The following HK1 variants were observed in gnomAD, a reference collection of about 807,000 sequenced individuals.
HK1 encodes the protein hexokinase-1.
In HK1, 28 loss-of-function variants were observed where a neutral mutation model predicts 91.6. That is an observed-to-expected ratio of 0.31 (90% CI 0.23 to 0.42). HK1 has a LOEUF of 0.42. HK1 is among the 10% of genes least tolerant of loss of function. The pLI, the probability that HK1 is intolerant of heterozygous loss-of-function variation, is 1.00. For missense variants in HK1, 770 were observed against 1,219.8 expected, an observed-to-expected ratio of 0.63 and a Z score of 5.49; for synonymous variants, 430 against 468.1, an observed-to-expected ratio of 0.92 and a Z score of 1.05.
At chr10:69,366,020 G>A (rs774756180) in intron 4 of HK1, among the ~76,000 whole-genome samples, 10 of 152,168 alleles carry the variant, frequency 6.6e-5, no homozygotes, top group Middle Eastern at 6.8e-3. Flanking sequence ...TGGCAGATAT[G>A]GGGTTTCACC....
At chr10:69,381,790 G>A (rs1318548060) in intron 9 of HK1, among the ~76,000 whole-genome samples, 1 of 152,196 alleles carries the variant, frequency 6.6e-6, no homozygotes, top group East Asian at 1.9e-4. Flanking sequence ...CTGACCTCAG[G>A]TGATCCACCT....
chr10:69,332,357 T>TTTTCTTTCTTTC (rs140249017), intron 1 of HK1, among the ~76,000 whole-genome samples: 17 of 140,832 alleles, frequency 1.2e-4, no homozygotes, highest in African/African-American at 4.5e-4. Flanking sequence ...CTAGGCCTCA[T>TTTTCTTTCTTTC]TTTCTTTCTT....
At chr10:69,319,296 G>A (rs1032202130) in intron 1 of HK1, 1 of 545,150 alleles carries the variant, frequency 1.8e-6, no homozygotes, top group African/African-American at 1.9e-5. Context: ...ATAGGCCCCC[G>A]GGCTGTGCGG....
rs115483508 is a variant in HK1, at chr10:69,343,670, G to A, written c.64-157G>A. Reference sequence around the variant, plus strand: ...GAGCATTTGCAAGCCTGTTCTGGGTGACATGGATGACAGCAGTTGAATGAC... The same window carrying A: ...GAGCATTTGCAAGCCTGTTCTGGGTAACATGGATGACAGCAGTTGAATGAC... On this transcript the variant is annotated intron_variant, in intron 1 of 17. Coordinates refer to ENST00000359426, the MANE Select transcript of HK1 (RefSeq NM_000188.3). 9.8e-3 allele frequency among the ~76,000 whole-genome samples: 1,500 copies of A among 152,298 alleles called. 13 individuals are homozygous for A. The highest frequency in any genetic ancestry group is 0.03 in the African/African-American group (1,241 of 41,556).
intron 2 of HK1, among the ~76,000 whole-genome samples, chr10:69,350,332 T>A (rs1848780342): frequency 6.6e-6 from 1 of 152,170 alleles, no homozygotes. Flanking sequence ...ATGCTGGACA[T>A]CCAGGAAAGT....
At chr10:69,334,872 G>A (rs1440129733) in intron 1 of HK1, among the ~76,000 whole-genome samples, 1 of 152,220 alleles carries the variant, frequency 6.6e-6, no homozygotes, top group Non-Finnish European at 1.5e-5. Context: ...ATGCTGAGGA[G>A]AGGAGTGGAC....
At chr10:69,328,525 C>A (rs181006060) in intron 1 of HK1, among the ~76,000 whole-genome samples, 1 of 152,216 alleles carries the variant, frequency 6.6e-6, no homozygotes, top group East Asian at 1.9e-4. Context: ...ATCCCCACAA[C>A]GCCCTTGTGA....
chr10:69,297,584 G>T (rs1389074193), intron 4 of HK1, among the ~76,000 whole-genome samples: 1 of 152,154 alleles, frequency 6.6e-6, no homozygotes, highest in Admixed American at 6.6e-5. Flanking sequence ...ATATTCTGAA[G>T]CATCGCAGCT....
intron 7 of HK1, among the ~76,000 whole-genome samples, chr10:69,374,582 C>T (rs1213683674): frequency 2.0e-5 from 3 of 152,220 alleles, no homozygotes; most frequent in Non-Finnish European, 4.4e-5. Flanking sequence ...GAACAGGAGC[C>T]GGTCTCCATG....
intron 1 of HK1, among the ~76,000 whole-genome samples, chr10:69,275,431 T>C (rs1844391359): frequency 6.6e-6 from 1 of 151,924 alleles, no homozygotes; most frequent in African/African-American, 2.4e-5. Flanking sequence ...AATTTCCAAG[T>C]ATATTGTTTT....
intron 1 of HK1, among the ~76,000 whole-genome samples, chr10:69,277,464 G>A (rs946959337): frequency 6.6e-6 from 1 of 152,052 alleles, no homozygotes; most frequent in African/African-American, 2.4e-5. Context: ...GCTACTCAGA[G>A]GCTGAGGCAG....
chr10:69,364,048 C>G (rs1382674553), intron 3 of HK1, among the ~76,000 whole-genome samples: 1 of 152,156 alleles, frequency 6.6e-6, no homozygotes, highest in South Asian at 2.1e-4. Flanking sequence ...TTAGACACAC[C>G]AAACAAACAG....
chr10:69,394,035 G>A (rs144935354), intron 15 of HK1, among the ~76,000 whole-genome samples: 230 of 152,374 alleles, frequency 1.5e-3, no homozygotes, highest in African/African-American at 5.3e-3. Context: ...GTGGGACTTC[G>A]TAGTGGTGGC....
chr10:69,347,572 A>T (rs1848628850), intron 2 of HK1, among the ~76,000 whole-genome samples: 1 of 151,568 alleles, frequency 6.6e-6, no homozygotes, highest in South Asian at 2.1e-4. Context: ...AGTAGCTGGG[A>T]TTACAAGTGC....
intron 2 of HK1, among the ~76,000 whole-genome samples, chr10:69,352,692 A>G (rs1410387204): frequency 6.6e-6 from 1 of 152,204 alleles, no homozygotes; most frequent in African/African-American, 2.4e-5. Flanking sequence ...CAGAAAGTAC[A>G]TTAGTGGTTG....
rs773842224 is a variant in HK1, at chr10:69,380,015, C to A, written c.1185C>A (p.Asn395Lys). The A allele has an allele frequency of 6.8e-6, 11 of 1,614,054 alleles. No homozygotes were observed. Residue 395 changes from asparagine (N) to lysine (K), a missense_variant, in exon 9 of 18, where the codon AAC (asparagine) becomes AAA (lysine). Asn to Lys is a moderately conservative substitution (Grantham distance 94). Transcript: ENST00000359426. This position sits in a 1 kb window ranked among gnomAD's most constrained non-coding sequence, Gnocchi z 4.0. ...CTGCCACACTGGGCGCCATCTTGAA[C>A]CGCCTGCGTGATAACAAGGGCACAC... is the stretch of plus-strand genomic sequence containing the variant. ...LVAATLGAIL[N>K]RLRDNKGTPR...
chr10:69,289,240 C>T (rs1845169081), intron 3 of HK1, among the ~76,000 whole-genome samples: 1 of 152,076 alleles, frequency 6.6e-6, no homozygotes, highest in African/African-American at 2.4e-5. Context: ...GACCCAGCCT[C>T]TAAGTCTTGG....
At chr10:69,394,815 G>A (rs1233827379) in intron 15 of HK1, 135 bp from the exon 16 acceptor site, 2 of 861,912 alleles carry the variant, frequency 2.3e-6, no homozygotes, top group East Asian at 2.6e-5. Flanking sequence ...CTGCGGCAGA[G>A]CACAGGGCTG....
At chr10:69,382,369 T>A in intron 9 of HK1, 118 bp from the exon 10 acceptor site, 1 of 1,100,482 alleles carries the variant, frequency 9.1e-7, no homozygotes, top group South Asian at 1.3e-5. Flanking sequence ...AGCAAGACCC[T>A]GTCTCAAAAA....
Sources: allele counts gnomAD v4.1 joint callset (sites outside exome capture counted in the v4.1 genomes callset), GRCh38; gene constraint gnomAD v4.1.1; non-coding constraint Gnocchi (gnomAD v3.1); transcripts MANE v1.5; gene names NCBI Gene and HGNC (gene_info 2026-07-23, HGNC 2026-07-21).